The following TLK2 variants were observed in gnomAD, a reference collection of about 807,000 sequenced individuals.
The protein encoded by TLK2 is serine/threonine-protein kinase tousled-like 2.
In TLK2, 6 loss-of-function variants were observed where a neutral mutation model predicts 117.3. That is an observed-to-expected ratio of 0.05 (90% confidence interval 0.03 to 0.10). The LOEUF (loss-of-function observed/expected upper bound fraction) is 0.10. TLK2 is among the 10% of genes least tolerant of loss of function. The pLI, the probability that TLK2 is intolerant of heterozygous loss-of-function variation, is 1.00. For missense variants in TLK2, 299 were observed against 901.2 expected, an observed-to-expected ratio of 0.33 and a Z score of 8.56; for synonymous variants, 257 against 316.7, an observed-to-expected ratio of 0.81 and a Z score of 2.00.
chr17:62,572,807 A>G (rs186286389), intron 11 of TLK2: 1,563 of 154,044 alleles, frequency 0.01, 15 homozygotes, highest in Non-Finnish European at 0.016. Flanking sequence ...AGAAGCTTTC[A>G]TCCAAAGAAA....
chr17:62,601,003 C>T (rs1166260851), intron 18 of TLK2, among the ~76,000 whole-genome samples, 183 bp downstream of exon 18: 3 of 152,050 alleles, frequency 2.0e-5, no homozygotes, highest in Non-Finnish European at 4.4e-5. Flanking sequence ...TTTAGGAGGG[C>T]GTGTTGGATT....
chr17:62,560,944 G>T (rs1388257205), intron 10 of TLK2, among the ~76,000 whole-genome samples: 7 of 151,856 alleles, frequency 4.6e-5, no homozygotes, highest in Admixed American at 4.6e-4. Context: ...GTCATTTAAC[G>T]TTAGGTGTAT....
At chr17:62,594,830 A>ACACC (rs533208593) in intron 16 of TLK2, among the ~76,000 whole-genome samples, 6 of 137,794 alleles carry the variant, frequency 4.4e-5, no homozygotes, top group Non-Finnish European at 7.9e-5. Flanking sequence ...ACACACACAC[A>ACACC]CCCCATGTGG....
At chr17:62,589,078 T>A (rs909750375) in intron 16 of TLK2, among the ~76,000 whole-genome samples, 1 of 152,182 alleles carries the variant, frequency 6.6e-6, no homozygotes, top group African/African-American at 2.4e-5. Flanking sequence ...GTTTGTTTTG[T>A]TGTATTTTGA....
intron 4 of TLK2, 69 bp downstream of exon 4, chr17:62,522,342 A>T (rs1420037938): frequency 6.7e-7 from 1 of 1,493,926 alleles, no homozygotes; most frequent in Non-Finnish European, 9.1e-7. Context: ...TCTAACTCAT[A>T]CTAAATAATT....
chr17:62,504,004 G>A (rs1425448632), intron 2 of TLK2, among the ~76,000 whole-genome samples: 1 of 152,178 alleles, frequency 6.6e-6, no homozygotes, highest in Non-Finnish European at 1.5e-5. Flanking sequence ...AAAGTGCTGG[G>A]ATTACAGGCG....
In TLK2 at chr17:62,573,423, A is replaced by AT. The variant is rs1275156287; in HGVS notation, c.1121+57dup. On this transcript the variant is annotated intron_variant, in intron 12 of 21. Coordinates refer to ENST00000346027, the MANE Select transcript of TLK2 (RefSeq NM_006852.6). ...CACCACACCCTGCCCCCAAATACAA[A>AT]TGTTGATTGTCACCGGCAATAGTTT... is the stretch of plus-strand genomic sequence containing the variant. 3.2e-6 allele frequency: 5 copies of AT among 1,582,930 alleles called. No homozygotes were observed. In the African/African-American group the frequency reaches 6.8e-5, roughly 22 times the overall value.
intron 11 of TLK2, among the ~76,000 whole-genome samples, chr17:62,565,907 C>G (rs950112218): frequency 1.3e-5 from 2 of 152,082 alleles, no homozygotes; most frequent in Non-Finnish European, 2.9e-5. Context: ...AGGACATGTT[C>G]CTGGGATTAT....
chr17:62,497,117 G>A (rs1455251317), intron 2 of TLK2, among the ~76,000 whole-genome samples: 1 of 152,014 alleles, frequency 6.6e-6, no homozygotes, highest in Admixed American at 6.6e-5. Flanking sequence ...AATTAGCCAG[G>A]CATGGTGGCG....
intron 12 of TLK2, chr17:62,574,436 A>G (rs1199895301): frequency 2.0e-6 from 2 of 996,526 alleles, no homozygotes; most frequent in Non-Finnish European, 1.5e-6. Flanking sequence ...GAATAAACTA[A>G]TAATTACATT....
chr17:62,541,901 A>G (rs1440228667), intron 7 of TLK2, among the ~76,000 whole-genome samples: 1 of 152,182 alleles, frequency 6.6e-6, no homozygotes, highest in African/African-American at 2.4e-5. Flanking sequence ...GTACCACCAC[A>G]CTAGCTCCCA....
At chr17:62,542,921 A>T (rs1002794592) in intron 7 of TLK2, among the ~76,000 whole-genome samples, 48 of 152,352 alleles carry the variant, frequency 3.2e-4, no homozygotes, top group African/African-American at 1.1e-3. Flanking sequence ...AGGCATTTTT[A>T]AAAAACATGT....
upstream of TLK2, among the ~76,000 whole-genome samples, chr17:62,475,663 A>G (rs1194097506): frequency 3.4e-5 from 5 of 147,298 alleles, no homozygotes; most frequent in Non-Finnish European, 6.0e-5. Context: ...ATTTTAAATA[A>G]TAATTATTTT....
chr17:62,483,450 A>C (rs563203762), intron 2 of TLK2, among the ~76,000 whole-genome samples: 2 of 152,210 alleles, frequency 1.3e-5, no homozygotes, highest in Non-Finnish European at 2.9e-5. Flanking sequence ...AGGAAATTCT[A>C]CCTTTAACAT....
intron 7 of TLK2, among the ~76,000 whole-genome samples, chr17:62,547,374 G>GT (rs2078027489): frequency 6.8e-6 from 1 of 146,446 alleles, no homozygotes; most frequent in South Asian, 2.2e-4. Context: ...TAGTCTCTTT[G>GT]TTTTCCAGTT....
chr17:62,565,585 G>A (rs2079703310), intron 11 of TLK2, among the ~76,000 whole-genome samples: 1 of 150,542 alleles, frequency 6.6e-6, no homozygotes, highest in Non-Finnish European at 1.5e-5. Flanking sequence ...CTGGGAGGTG[G>A]AGGTTGCAGT....
At chr17:62,535,181 C>T (rs1490898479) in intron 6 of TLK2, among the ~76,000 whole-genome samples, 1 of 152,076 alleles carries the variant, frequency 6.6e-6, no homozygotes, top group Admixed American at 6.5e-5. Flanking sequence ...AGCCATTGTG[C>T]CTTGCCAATT....
At chr17:62,486,039 C>G (rs530701728) in intron 2 of TLK2, among the ~76,000 whole-genome samples, 9 of 152,096 alleles carry the variant, frequency 5.9e-5, no homozygotes, top group Non-Finnish European at 1.2e-4. Context: ...CCAGGATGGT[C>G]TCGATCTCCT....
At chr17:62,588,124 A>C (rs2081786460) in intron 16 of TLK2, among the ~76,000 whole-genome samples, 3 of 150,634 alleles carry the variant, frequency 2.0e-5, no homozygotes, top group Non-Finnish European at 4.4e-5. Flanking sequence ...ATACGTATAC[A>C]TCTGTATATG....
Sources: allele counts gnomAD v4.1 joint callset (sites outside exome capture counted in the v4.1 genomes callset), GRCh38; gene constraint gnomAD v4.1.1; transcripts MANE v1.5; gene names NCBI Gene and HGNC (gene_info 2026-07-23, HGNC 2026-07-21).